The following NRXN1 variants were observed in gnomAD, a reference collection of about 807,000 sequenced individuals.
NRXN1 encodes neurexin-1.
NRXN1 carries 39 observed loss-of-function variants against 150.9 expected under a neutral mutation model. The observed-to-expected ratio is 0.26, with a 90% CI of 0.20 to 0.34. The LOEUF (loss-of-function observed/expected upper bound fraction) is 0.34, where lower values mean the gene tolerates loss of function less well. Ranked by LOEUF, NRXN1 falls within the 10% of genes least tolerant of loss-of-function variation. The pLI is 1.00. For missense variants in NRXN1, 1,815 were observed against 1,949.9 expected (o/e 0.93, Z 1.30); for synonymous variants, 924 against 757.0 (o/e 1.22, Z -3.62).
intron 5 of NRXN1, among the ~76,000 whole-genome samples, chr2:50,855,286 A>G (rs1347668985): frequency 2.0e-5 from 3 of 152,072 alleles, no homozygotes; most frequent in Non-Finnish European, 4.4e-5. Flanking sequence ...ACTTTATACA[A>G]GCAATGAACG....
At position 50,070,577 on chromosome 2, in the gene NRXN1, C is replaced by T. The variant is rs1020948209; in HGVS notation, c.3719-15533G>A. Among the ~76,000 whole-genome samples the T allele has an allele frequency of 4.0e-5, 6 of 151,614 alleles. 1 individual carries two copies. Among genetic ancestry groups the T allele is most frequent in the South Asian group, 2.1e-4 (1 of 4,784 alleles). On this transcript the variant is annotated intron_variant, in intron 19 of 22. Coordinates refer to ENST00000401669, the MANE Select transcript of NRXN1 (RefSeq NM_001330078.2). Reference sequence around the variant, plus strand: ...CAAGGTCAGGAGATCGAGACCATCCCGGCTAAAACGGTGAAACCCCGTCTC... The same window carrying T: ...CAAGGTCAGGAGATCGAGACCATCCTGGCTAAAACGGTGAAACCCCGTCTC...
intron 22 of NRXN1, among the ~76,000 whole-genome samples, chr2:49,941,353 A>G (rs989401442): frequency 3.3e-5 from 5 of 150,878 alleles, no homozygotes; most frequent in African/African-American, 1.2e-4. Flanking sequence ...AGACGATGGC[A>G]AAAGGGTTAC....
intron 21 of NRXN1, among the ~76,000 whole-genome samples, chr2:49,961,148 G>A (rs1290555453): frequency 6.6e-6 from 1 of 151,958 alleles, no homozygotes; most frequent in Non-Finnish European, 1.5e-5. Flanking sequence ...TCATGATACA[G>A]CAGAATGCCC....
chr2:50,496,042 C>T lies in NRXN1; in HGVS notation c.2933G>A (p.Ser978Asn). 6.2e-7 allele frequency: 1 copy of T among 1,612,568 alleles called. No homozygotes were observed. Among genetic ancestry groups the T allele is most frequent in the Non-Finnish European group, 8.5e-7 (1 of 1,179,152 alleles). The change falls in exon 15 of 23, where the codon AGC becomes AAC. Residue 978 changes from serine (S) to asparagine (N), a missense_variant. This residue lies in a region of NRXN1 where 339 missense variants were observed against 440.3 expected (regional missense o/e 0.77). Transcript: ENST00000401669. Reference sequence around the variant, plus strand: ...ATTGTCATTGAGAGGTTTATTTGAGCTTCCTTTGATGAGGTTAGCACCATT... The same window carrying T: ...ATTGTCATTGAGAGGTTTATTTGAGTTTCCTTTGATGAGGTTAGCACCATT... ...LGNGANLIKG[S>N]SNKPLNDNQW...
At chr2:50,502,657 A>G (rs1353251510) in intron 13 of NRXN1, among the ~76,000 whole-genome samples, 1 of 152,198 alleles carries the variant, frequency 6.6e-6, no homozygotes, top group East Asian at 1.9e-4. Context: ...ATGAAAACAT[A>G]TGAAAGTATG....
intron 17 of NRXN1, among the ~76,000 whole-genome samples, chr2:50,427,690 T>G (rs1213056801): frequency 1.3e-5 from 2 of 152,228 alleles, no homozygotes; most frequent in Non-Finnish European, 1.5e-5. Flanking sequence ...CCTAAATCAA[T>G]TTGGCAAAGT....
chr2:50,683,979 ATAGT>A (rs1330974737), intron 5 of NRXN1, among the ~76,000 whole-genome samples: 2 of 151,930 alleles, frequency 1.3e-5, no homozygotes, highest in African/African-American at 4.8e-5. Flanking sequence ...ATGGTATGAG[ATAGT>A]TAGTATACAT....
chr2:49,964,491 A>G (rs1676584122), intron 21 of NRXN1, among the ~76,000 whole-genome samples: 1 of 151,704 alleles, frequency 6.6e-6, no homozygotes. Flanking sequence ...GAGGCGGGAA[A>G]ATTGCTTGAA....
At chr2:50,405,764 C>G (rs1240147257) in intron 17 of NRXN1, among the ~76,000 whole-genome samples, 1 of 152,018 alleles carries the variant, frequency 6.6e-6, no homozygotes, top group Non-Finnish European at 1.5e-5. Context: ...GCTTTAATTT[C>G]CTGAGGAATT....
intron 2 of NRXN1, among the ~76,000 whole-genome samples, chr2:50,967,121 C>G (rs1694231063): frequency 6.6e-6 from 1 of 151,852 alleles, no homozygotes; most frequent in Non-Finnish European, 1.5e-5. Flanking sequence ...TTAAATTTCT[C>G]CTCCATAATA....
intron 5 of NRXN1, among the ~76,000 whole-genome samples, chr2:50,709,097 C>G (rs1004634271): frequency 6.6e-6 from 1 of 152,148 alleles, no homozygotes; most frequent in Non-Finnish European, 1.5e-5. Flanking sequence ...TGGGCCCCTC[C>G]TCACAGCACT....
At chr2:50,264,489 G>A (rs1442754495) in intron 17 of NRXN1, among the ~76,000 whole-genome samples, 1 of 151,826 alleles carries the variant, frequency 6.6e-6, no homozygotes, top group African/African-American at 2.4e-5. Context: ...GAAACAAGGA[G>A]GAAATGTCAG....
chr2:50,120,148 C>CAT (rs3050710), intron 18 of NRXN1, among the ~76,000 whole-genome samples: 11,065 of 152,074 alleles, frequency 0.073, 1,349 homozygotes, highest in African/African-American at 0.25. Flanking sequence ...CTTTGTTTCT[C>CAT]ATATAAGTGC....
At chr2:50,467,979 C>T (rs111475588) in intron 16 of NRXN1, among the ~76,000 whole-genome samples, 2 of 151,354 alleles carry the variant, frequency 1.3e-5, no homozygotes, top group African/African-American at 2.4e-5. Context: ...CATTAGAGAT[C>T]AAAAATAATT....
In NRXN1 at chr2:50,831,664, T is replaced by C. The variant is rs913089282; in HGVS notation, c.832+90205A>G. Among the ~76,000 whole-genome samples the C allele has an allele frequency of 8.5e-5, 13 of 152,210 alleles. 1 individual carries two copies. Among genetic ancestry groups the C allele is most frequent in the Non-Finnish European group, 1.8e-4 (12 of 68,034 alleles). On this transcript the variant is annotated intron_variant, in intron 5 of 22. Transcript: ENST00000401669. ...AAAACAATTTTAAAACCCTTAAATT[T>C]CTAAAACTTGTTTTTAAAACATGGA...
At chr2:50,954,325 T>C (rs562796343) in intron 2 of NRXN1, among the ~76,000 whole-genome samples, 1 of 152,302 alleles carries the variant, frequency 6.6e-6, no homozygotes, top group East Asian at 1.9e-4. Flanking sequence ...AGGGATGGCG[T>C]TATGTGGACC....
chr2:50,981,522 T>C lies in NRXN1; in HGVS notation c.772+45980A>G, dbSNP rs187889412. Among the ~76,000 whole-genome samples the C allele has an allele frequency of 9.9e-5, 15 of 150,826 alleles. No homozygotes were observed. The East Asian group carries it at 1.2e-3, about 12-fold the overall frequency. On this transcript the variant is annotated intron_variant, in intron 2 of 22. Coordinates refer to ENST00000401669, the MANE Select transcript of NRXN1 (RefSeq NM_001330078.2). Reference sequence around the variant, plus strand: ...CATAGAAACATACCCAACTTATTCATTGTGGAAGATTGTCTCTTCAGCCAT... The same window carrying C: ...CATAGAAACATACCCAACTTATTCACTGTGGAAGATTGTCTCTTCAGCCAT...
chr2:50,318,205 T>G (rs140144328), intron 17 of NRXN1, among the ~76,000 whole-genome samples: 1 of 152,068 alleles, frequency 6.6e-6, no homozygotes, highest in Admixed American at 6.6e-5. Flanking sequence ...CAGAAACATA[T>G]GAAGACATGT....
chr2:50,999,461 C>T (rs948165088), intron 2 of NRXN1, among the ~76,000 whole-genome samples: 2 of 151,966 alleles, frequency 1.3e-5, no homozygotes, highest in African/African-American at 4.8e-5. Flanking sequence ...ACTTCTTGCA[C>T]ATCTTCTATG....
Sources: gnomAD v4.1 joint callset for allele counts (sites outside exome capture counted in the v4.1 genomes callset) on GRCh38, gnomAD v4.1.1 for gene constraint, gnomAD v4.1.1 regional missense constraint, MANE v1.5 for transcripts, NCBI Gene and HGNC (gene_info 2026-07-23, HGNC 2026-07-21) for gene names.